RNF13: variants seen among roughly 807,000 people sequenced by gnomAD.
RNF13 encodes ring finger protein 13.
RNF13 carries 19 observed loss-of-function variants against 37.7 expected under a neutral mutation model. That is an observed-to-expected ratio of 0.50 (90% confidence interval 0.35 to 0.74). The LOEUF (loss-of-function observed/expected upper bound fraction) is 0.74. Ranked by LOEUF, RNF13 falls within the 30% of genes least tolerant of loss-of-function variation. The probability of loss-of-function intolerance (pLI) is 0.01; values close to 1 mark genes in which losing one functional copy is unlikely to be tolerated. For synonymous variants in RNF13, 144 were observed against 157.8 expected, an observed-to-expected ratio of 0.91 and a Z score of 0.65; for missense variants, 375 against 453.0, an observed-to-expected ratio of 0.83 and a Z score of 1.56.
intron 4 of RNF13, among the ~76,000 whole-genome samples, chr3:149,889,290 TGC>T (rs915433646): frequency 1.7e-5 from 2 of 121,156 alleles, no homozygotes; most frequent in African/African-American, 3.2e-5. Flanking sequence ...AATTTGAGTG[TGC>T]GTGTGTGTGT....
At chr3:149,926,470 A>T (rs1200743891) in intron 8 of RNF13, among the ~76,000 whole-genome samples, 1 of 152,104 alleles carries the variant, frequency 6.6e-6, no homozygotes, top group Non-Finnish European at 1.5e-5. Context: ...TTGGCCTCCC[A>T]AAGTGCTGGG....
intron 8 of RNF13, among the ~76,000 whole-genome samples, chr3:149,949,195 GCT>G (rs929989993): frequency 7.9e-5 from 12 of 152,074 alleles, no homozygotes; most frequent in Non-Finnish European, 1.8e-4. Flanking sequence ...ACTTGTAGGT[GCT>G]CTTTTAGAAT....
chr3:149,841,356 T>C (rs1576746716), intron 1 of RNF13, among the ~76,000 whole-genome samples: 1 of 152,196 alleles, frequency 6.6e-6, no homozygotes, highest in Non-Finnish European at 1.5e-5. Flanking sequence ...TTTGAGAACA[T>C]GTTAATAAGT....
chr3:149,960,178 T>G, intron 9 of RNF13, 42 bp downstream of exon 9: 1 of 1,312,980 alleles, frequency 7.6e-7, no homozygotes, highest in Non-Finnish European at 1.1e-6. Context: ...CATATAGTAA[T>G]TTATATTTAG....
intron 4 of RNF13, among the ~76,000 whole-genome samples, chr3:149,876,771 C>CTTT (rs768071913): frequency 4.4e-3 from 361 of 82,440 alleles, no homozygotes; most frequent in East Asian, 6.7e-3. Context: ...GTCATCATAT[C>CTTT]TTTTTTTTTT....
intron 3 of RNF13, among the ~76,000 whole-genome samples, chr3:149,870,425 T>C (rs1479284805): frequency 6.6e-6 from 1 of 151,820 alleles, no homozygotes; most frequent in Non-Finnish European, 1.5e-5. Flanking sequence ...CTGGCCGTAA[T>C]CTCATTGCTG....
intron 4 of RNF13, among the ~76,000 whole-genome samples, chr3:149,877,472 C>CTTTTTTTTT (rs369676407): frequency 9.9e-6 from 1 of 101,478 alleles, no homozygotes; most frequent in Non-Finnish European, 2.0e-5. Context: ...TTCTTTCTGT[C>CTTTTTTTTT]TTTTTTTTTT....
chr3:149,864,732 A>G (rs1724627387), intron 3 of RNF13, among the ~76,000 whole-genome samples: 1 of 152,240 alleles, frequency 6.6e-6, no homozygotes, highest in Admixed American at 6.5e-5. Context: ...AATGTTTGCC[A>G]ATTATGCTAT....
intron 1 of RNF13, among the ~76,000 whole-genome samples, chr3:149,821,445 G>T (rs765128592): frequency 1.3e-5 from 2 of 152,092 alleles, no homozygotes; most frequent in Non-Finnish European, 2.9e-5. Flanking sequence ...TCATGTGCTT[G>T]TTGGCCATGT....
chr3:149,813,900 C>G (rs1719159634), intron 1 of RNF13: 1 of 152,178 alleles, frequency 6.6e-6, no homozygotes, highest in African/African-American at 2.4e-5. Context: ...ACTTGACTTG[C>G]ACTTATTAAA....
chr3:149,945,756 C>G (rs9858344), intron 8 of RNF13, among the ~76,000 whole-genome samples: 129,957 of 151,856 alleles, frequency 0.86, 55,691 homozygotes, highest in East Asian at 0.92. Context: ...ATTTGCTGTT[C>G]AGCCATATTC....
At chr3:149,886,567 C>G (rs888040392) in intron 4 of RNF13, among the ~76,000 whole-genome samples, 7 of 152,074 alleles carry the variant, frequency 4.6e-5, no homozygotes, top group Non-Finnish European at 5.9e-5. Context: ...TTTACTTCTT[C>G]TTTTCCAATC....
chr3:149,829,851 G>GT (rs2108334326), intron 1 of RNF13, among the ~76,000 whole-genome samples: 1 of 152,184 alleles, frequency 6.6e-6, no homozygotes, highest in Admixed American at 6.5e-5. Flanking sequence ...TGGGAGGGAC[G>GT]TGGTGGGAGG....
At chr3:149,853,834 C>CTTT (rs1052140782) in intron 3 of RNF13, among the ~76,000 whole-genome samples, 4,158 of 115,290 alleles carry the variant, frequency 0.036, 97 homozygotes, top group African/African-American at 0.067. Context: ...TAAAATTTCT[C>CTTT]TTTTTTTTTT....
chr3:149,859,369 C>T (rs1723988906), intron 3 of RNF13, among the ~76,000 whole-genome samples: 1 of 152,076 alleles, frequency 6.6e-6, no homozygotes, highest in South Asian at 2.1e-4. Flanking sequence ...ACCCTTTCCT[C>T]TTAATTTCAA....
At chr3:149,923,429 G>T (rs867171232) in intron 8 of RNF13, among the ~76,000 whole-genome samples, 1 of 151,972 alleles carries the variant, frequency 6.6e-6, no homozygotes, top group Non-Finnish European at 1.5e-5. Context: ...CTAGTTTGAA[G>T]ATTAGGAATT....
intron 1 of RNF13, among the ~76,000 whole-genome samples, chr3:149,837,555 G>C (rs561429059): frequency 5.9e-5 from 9 of 152,164 alleles, no homozygotes; most frequent in African/African-American, 2.2e-4. Flanking sequence ...TGAAAGGCAC[G>C]TCTCACATGG....
intron 1 of RNF13, among the ~76,000 whole-genome samples, chr3:149,841,830 A>G (rs996712674): frequency 1.3e-5 from 2 of 152,138 alleles, no homozygotes; most frequent in Admixed American, 1.3e-4. Context: ...GGGTTTCCCC[A>G]TGTTGGCCAG....
Position 149,852,591 on chromosome 3 carries a change from T to C in RNF13, c.190T>C (p.Leu64=), listed in dbSNP as rs1468628659. ...TGGTTATAGACTTCCAGCTGAAGGT[T>C]TAAAGGTAAGACAGTTGGTAATACA... ...RFGYRLPAEG[L]KGFLINSKPE... is the part of the protein sequence containing the mutation. The change falls in exon 3 of 10, where the codon TTA becomes CTA. Residue 64 remains leucine, a synonymous_variant. Coordinates refer to ENST00000392894, the MANE Select transcript of RNF13 (RefSeq NM_183381.3). 2 of 1,526,084 alleles carry C rather than the reference T, an allele frequency of 1.3e-6. No individual in the cohort carries two copies. The highest frequency in any genetic ancestry group is 4.6e-5 in the East Asian group (2 of 43,292). The allele number at this position is 1,526,084 out of a possible 1,614,324, so 94.5% of individuals were successfully genotyped here. A position where few individuals can be genotyped will look rare whatever the true frequency, so the allele number is the denominator to read the frequency against.
Sources: gnomAD v4.1 joint callset for allele counts (sites outside exome capture counted in the v4.1 genomes callset) on GRCh38, gnomAD v4.1.1 for gene constraint, MANE v1.5 for transcripts, NCBI Gene and HGNC (gene_info 2026-07-23, HGNC 2026-07-21) for gene names.